ABCA13: variants seen among roughly 807,000 people sequenced by gnomAD.
The protein encoded by ABCA13 is ATP binding cassette subfamily A member 13, also known as ATP-binding cassette sub-family A member 13.
ABCA13 carries 476 observed loss-of-function variants against 478.7 expected under a neutral mutation model. The ratio of observed to expected loss-of-function variants is 0.99; its 90% CI spans 0.92 to 1.07. ABCA13 has a LOEUF of 1.07. Ranked by LOEUF, ABCA13 falls within the 50% of genes least tolerant of loss-of-function variation. The pLI, the probability that ABCA13 is intolerant of heterozygous loss-of-function variation, is 0.00. For synonymous variants in ABCA13, 2,252 were observed against 2,158.9 expected (o/e 1.04, Z -1.20); for missense variants, 6,060 against 5,910.6 (o/e 1.03, Z -0.83).
rs142485310 is a variant in ABCA13 at position 48,465,955 on chromosome 7, T to G, written c.12816-1001T>G. ...ATATAATAATTCTTTCCAAAAAGAA[T>G]TGAGGTCACCAGGTATATCTATATA... On this transcript the variant is annotated intron_variant, in intron 43 of 61. Coordinates refer to ENST00000435803, the MANE Select transcript of ABCA13 (RefSeq NM_152701.5). 8.4e-3 allele frequency among the ~76,000 whole-genome samples: 1,275 copies of G among 152,230 alleles called. 23 individuals are homozygous for G. The highest frequency in any genetic ancestry group is 0.029 in the African/African-American group (1,215 of 41,538).
At chr7:48,364,723 G>T (rs1297011802) in intron 31 of ABCA13, among the ~76,000 whole-genome samples, 1 of 152,066 alleles carries the variant, frequency 6.6e-6, no homozygotes, top group African/African-American at 2.4e-5. Flanking sequence ...CATCCGTGTT[G>T]CTTCAAATAA....
At chr7:48,327,355 C>T (rs117345560) in intron 27 of ABCA13, among the ~76,000 whole-genome samples, 2,278 of 152,190 alleles carry the variant, frequency 0.015, 34 homozygotes, top group South Asian at 0.047. Flanking sequence ...AAACTGCCCC[C>T]GTTATTTAAT....
At chr7:48,550,828 C>CA (rs1785251991) in intron 55 of ABCA13, among the ~76,000 whole-genome samples, 1 of 151,544 alleles carries the variant, frequency 6.6e-6, no homozygotes, top group East Asian at 2.0e-4. Context: ...CCCACACTAT[C>CA]AGTGTGCACC....
intron 31 of ABCA13, among the ~76,000 whole-genome samples, chr7:48,366,091 A>C (rs1811623615): frequency 6.6e-6 from 1 of 152,184 alleles, no homozygotes; most frequent in African/African-American, 2.4e-5. Context: ...ACTTGTCTTC[A>C]AAATATAATA....
intron 55 of ABCA13, among the ~76,000 whole-genome samples, chr7:48,535,332 G>C (rs1833496571): frequency 6.6e-6 from 1 of 152,166 alleles, no homozygotes; most frequent in African/African-American, 2.4e-5. Context: ...GTATTGGGGA[G>C]TGTCTGCAAA....
chr7:48,453,809 T>A lies in ABCA13; in HGVS notation c.12566-1228T>A, dbSNP rs545167786. Among the ~76,000 whole-genome samples the A allele has an allele frequency of 2.1e-4, 32 of 152,256 alleles. No individual in the cohort carries two copies. In the South Asian group the frequency reaches 5.8e-3, roughly 28 times the overall value. On this transcript the variant is annotated intron_variant, in intron 42 of 61. Transcript: ENST00000435803. ...AGTGTGCTGGGTTATTTCTTTACAT[T>A]TTTATCTCAACCCGTATGTTGGGGA...
intron 43 of ABCA13, among the ~76,000 whole-genome samples, chr7:48,462,054 C>G (rs2129989678): frequency 6.6e-6 from 1 of 151,248 alleles, no homozygotes; most frequent in South Asian, 2.1e-4. Context: ...TTTTTTAAGG[C>G]TATGCCCCCT....
At chr7:48,304,976 A>G (rs185135452) in intron 23 of ABCA13, among the ~76,000 whole-genome samples, 1 of 152,348 alleles carries the variant, frequency 6.6e-6, no homozygotes, top group East Asian at 1.9e-4. Context: ...AAGTGTAATC[A>G]TCATCCTTAA....
At chr7:48,506,539 T>G in intron 49 of ABCA13, 149 bp downstream of exon 49, 2 of 851,190 alleles carry the variant, frequency 2.3e-6, no homozygotes, top group Non-Finnish European at 3.8e-6. Context: ...ACTTGGGCAT[T>G]TCTTTGCAAA....
intron 42 of ABCA13, among the ~76,000 whole-genome samples, chr7:48,443,509 A>G (rs1307345433): frequency 1.3e-5 from 2 of 152,146 alleles, no homozygotes; most frequent in Non-Finnish European, 2.9e-5. Context: ...ACTGTGTCCT[A>G]CATGTTCCTC....
intron 42 of ABCA13, among the ~76,000 whole-genome samples, chr7:48,428,884 A>T (rs1337704866): frequency 6.6e-6 from 1 of 152,182 alleles, no homozygotes; most frequent in Non-Finnish European, 1.5e-5. Context: ...TCATCACCAC[A>T]ATCAACCTTA....
intron 1 of ABCA13, among the ~76,000 whole-genome samples, chr7:48,183,741 C>T (rs1299261485): frequency 2.0e-5 from 3 of 152,166 alleles, no homozygotes; most frequent in East Asian, 3.9e-4. Context: ...TCCGAATGAA[C>T]GAATGAGTGA....
intron 35 of ABCA13, among the ~76,000 whole-genome samples, chr7:48,383,459 G>A (rs1008749083): frequency 5.9e-5 from 9 of 152,232 alleles, no homozygotes; most frequent in African/African-American, 1.7e-4. Context: ...ATCTTTGTAC[G>A]ACTTCCACTT....
In ABCA13 at chr7:48,507,856, T is replaced by C; in HGVS notation, c.13347-16T>C. 1 of 1,592,002 alleles carries C rather than the reference T, an allele frequency of 6.3e-7. No homozygotes were observed. The highest frequency in any genetic ancestry group is 8.6e-7 in the Non-Finnish European group (1 of 1,167,568). ...TCTTCGTCAGGTGCCTGAGAGCTGC[T>C]CTGTTCCACCCGCAGCCTGGAGAGC... On this transcript the variant is annotated splice_polypyrimidine_tract_variant and intron_variant, in intron 49 of 61. Coordinates refer to ENST00000435803, the MANE Select transcript of ABCA13 (RefSeq NM_152701.5).
Position 48,376,491 on chromosome 7 carries a change from T to G in ABCA13, c.11254T>G (p.Phe3752Val). 1 of 1,613,914 alleles carries G rather than the reference T, an allele frequency of 6.2e-7. No homozygotes were observed. The highest frequency in any genetic ancestry group is 8.5e-7 in the Non-Finnish European group (1 of 1,179,840). The change falls in exon 35 of 62, where the codon TTT becomes GTT. Residue 3752 changes from phenylalanine (F) to valine (V), a missense_variant. This residue lies in a region of ABCA13 where 4,423 missense variants were observed against 4,309.1 expected (regional missense o/e 1.03). Transcript: ENST00000435803. ...GGCTCTGGAACAAGGGGGCATGACA[T>G]TTGGCTGGGTTTGCTGGATGATTCT... ...YQALEQGGMT[F>V]GWVCWMILFD...
chr7:48,562,567 G>T lies in ABCA13; in HGVS notation c.14355-17657G>T, dbSNP rs572668951. ...CCATAGAACCTAACTCTTGACCAGGGCCAGTGAAAAAAATAGAATCAAATA... is the reference window on the plus strand; with the variant it reads ...CCATAGAACCTAACTCTTGACCAGGTCCAGTGAAAAAAATAGAATCAAATA... On this transcript the variant is annotated intron_variant, in intron 55 of 61. Coordinates refer to ENST00000435803, the MANE Select transcript of ABCA13 (RefSeq NM_152701.5). Among the ~76,000 whole-genome samples, 15 of 152,084 alleles carry T rather than the reference G, an allele frequency of 9.9e-5. No homozygotes were observed. In the East Asian group the frequency reaches 2.9e-3, roughly 29 times the overall value.
chr7:48,645,357 T>G (rs919826326), intron 61 of ABCA13, 60 bp from the exon 62 acceptor site: 2 of 1,346,190 alleles, frequency 1.5e-6, no homozygotes, highest in Admixed American at 2.1e-5. Context: ...TCCTTTCTAA[T>G]AAGTGAGACC....
At chr7:48,454,645 G>A (rs1825439573) in intron 42 of ABCA13, among the ~76,000 whole-genome samples, 1 of 152,176 alleles carries the variant, frequency 6.6e-6, no homozygotes, top group South Asian at 2.1e-4. Context: ...GTTATTCCCT[G>A]AATGAATCCC....
chr7:48,254,775 G>T (rs1344010042), intron 15 of ABCA13, among the ~76,000 whole-genome samples: 2 of 152,212 alleles, frequency 1.3e-5, no homozygotes, highest in East Asian at 3.9e-4. Flanking sequence ...AGCCTTCTGG[G>T]GGTATCAAGC....
Sources: allele counts gnomAD v4.1 joint callset (sites outside exome capture counted in the v4.1 genomes callset), GRCh38; gene constraint gnomAD v4.1.1; regional missense constraint gnomAD v4.1.1; transcripts MANE v1.5; gene names NCBI Gene and HGNC (gene_info 2026-07-23, HGNC 2026-07-21).